Variants in ZFC3H1 observed in about 807,000 individuals in gnomAD.
ZFC3H1 encodes the protein zinc finger C3H1 domain-containing protein.
A neutral mutation model predicts 243.7 loss-of-function variants in ZFC3H1; 71 were observed. That is an observed-to-expected ratio of 0.29 (90% CI 0.24 to 0.36). ZFC3H1 has a LOEUF of 0.36. Ranked by LOEUF, ZFC3H1 falls within the 10% of genes least tolerant of loss-of-function variation. ZFC3H1 has a pLI of 1.00. For synonymous variants in ZFC3H1, 838 were observed against 813.0 expected (o/e 1.03, Z -0.52); for missense variants, 1,966 against 2,317.1 (o/e 0.85, Z 3.11).
intron 9 of ZFC3H1, 141 bp downstream of exon 9, chr12:71,636,343 TTAAAAA>T: frequency 1.9e-6 from 1 of 530,476 alleles, no homozygotes; most frequent in Non-Finnish European, 2.9e-6. Context: ...CATTAATAAA[TTAAAAA>T]TAAATTTTAA....
chr12:71,655,679 G>A (rs567073720), intron 2 of ZFC3H1, among the ~76,000 whole-genome samples: 1 of 152,054 alleles, frequency 6.6e-6, no homozygotes, highest in African/African-American at 2.4e-5. Flanking sequence ...ACTCCACCCA[G>A]GCCCAGACAC....
At chr12:71,640,080 G>T (rs891259159) in intron 6 of ZFC3H1, among the ~76,000 whole-genome samples, 1 of 152,104 alleles carries the variant, frequency 6.6e-6, no homozygotes, top group South Asian at 2.1e-4. Context: ...AGAGTGCAGT[G>T]GCACCATCTC....
In ZFC3H1 at chr12:71,630,855, T is replaced by C. The variant is rs938977170; in HGVS notation, c.3570A>G (p.Leu1190=). The change falls in exon 17 of 35, where the codon TTA becomes TTG. Residue 1190 remains leucine (L), a synonymous_variant. Transcript: ENST00000378743. The stretch of plus-strand genomic sequence containing the variant: ...AATCATCATCATTACATGTTCCTGT[T>C]AAATCAAAACGGCAGAAACACTGAT... The part of the protein sequence containing the change: ...EPDQCFCRFD[L]TGTCNDDDCQ... The C allele has an allele frequency of 4.3e-6, 7 of 1,613,246 alleles. No homozygotes were observed. The Admixed American group carries it at 5.0e-5, about 12-fold the overall frequency.
chr12:71,642,646 A>G, intron 5 of ZFC3H1, 87 bp from the exon 6 acceptor site: 1 of 1,449,646 alleles, frequency 6.9e-7, no homozygotes. Flanking sequence ...CTTCTATGGA[A>G]GAGTATCAAA....
chr12:71,638,070 A>T (rs1880509467), intron 7 of ZFC3H1, among the ~76,000 whole-genome samples: 1 of 152,164 alleles, frequency 6.6e-6, no homozygotes, highest in Admixed American at 6.5e-5. Flanking sequence ...GAAGCATCCT[A>T]ATGCATGTAA....
At chr12:71,657,479 G>A (rs1342394502) in intron 1 of ZFC3H1, among the ~76,000 whole-genome samples, 178 bp from the exon 2 acceptor site, 2 of 151,904 alleles carry the variant, frequency 1.3e-5, no homozygotes, top group African/African-American at 2.4e-5. Context: ...CTTTCATTAC[G>A]TGCCCATATT....
intron 31 of ZFC3H1, 100 bp from the exon 32 acceptor site, chr12:71,611,987 T>A: frequency 1.6e-6 from 1 of 643,038 alleles, no homozygotes; most frequent in South Asian, 2.0e-5. Context: ...TTTGATTAGT[T>A]AAATTCCATC....
At chr12:71,629,536 CT>C (rs758506204) in intron 19 of ZFC3H1, 72 bp downstream of exon 19, 10 of 991,850 alleles carry the variant, frequency 1.0e-5, no homozygotes, top group African/African-American at 1.7e-5. Flanking sequence ...CTAAAAAGTC[CT>C]TTTCAGAAAG....
Position 71,631,823 on chromosome 12 carries a change from G to T in ZFC3H1, c.3425C>A (p.Pro1142His). ...QSKTMEVKPC[P>H]FRPYHSPLLV... ...AAGAGGACTATGGTAGGGTCTAAAAGGACATGGCTTCACTTCCATTGTTTT... is the reference window on the plus strand; with the variant it reads ...AAGAGGACTATGGTAGGGTCTAAAATGACATGGCTTCACTTCCATTGTTTT... Residue 1142 changes from proline (P) to histidine (H), a missense_variant, in exon 16 of 35, where the codon CCT (proline) becomes CAT (histidine). Pro to His is a moderately conservative substitution (Grantham distance 77, BLOSUM62 -2). Transcript: ENST00000378743. 8.7e-6 allele frequency: 14 copies of T among 1,613,752 alleles called. No homozygotes were observed. Among genetic ancestry groups the T allele is most frequent in the Non-Finnish European group, 1.1e-5 (13 of 1,179,772 alleles).
rs763344208 is a variant in ZFC3H1, at chr12:71,623,589, C to T, written c.4515G>A (p.Leu1505=). The T allele has an allele frequency of 3.7e-6, 6 of 1,603,980 alleles. No homozygotes were observed. In the East Asian group the frequency reaches 1.3e-4, roughly 36 times the overall value. ...QSALAILQNA[L]KSANDGIVAE... is the part of the protein sequence containing the mutation. The stretch of plus-strand genomic sequence containing the variant: ...CTACTATTCCATCATTAGCAGATTT[C>T]AATGCATTCTAGGCAAAATTTAAAA... The change falls in exon 24 of 35, where the codon TTG becomes TTA. Residue 1505 remains leucine, a synonymous_variant. Coordinates refer to ENST00000378743, the MANE Select transcript of ZFC3H1 (RefSeq NM_144982.5).
chr12:71,634,938 C>G, intron 10 of ZFC3H1, 113 bp from the exon 11 acceptor site: 1 of 1,203,350 alleles, frequency 8.3e-7, no homozygotes, highest in East Asian at 2.7e-5. Context: ...TTTAGAAATA[C>G]CTGAATGTCA....
chr12:71,663,739 C>T lies in ZFC3H1; in HGVS notation c.-129G>A. The T allele has an allele frequency of 8.9e-7, 1 of 1,123,678 alleles. No individual in the cohort carries two copies. The highest frequency in any genetic ancestry group is 1.3e-6 in the Non-Finnish European group (1 of 793,756). 69.6% of individuals were successfully genotyped at this position (1,123,678 alleles called of 1,614,324 possible). ...TTACCCTACTCGGACACCAAGCGGC[C>T]TCTGCTCCCCAACTTCCCCGCACCC... is the stretch of plus-strand genomic sequence containing the variant. On this transcript the variant is annotated 5_prime_UTR_variant, in exon 1 of 35. Coordinates refer to ENST00000378743, the MANE Select transcript of ZFC3H1 (RefSeq NM_144982.5).
intron 1 of ZFC3H1, 52 bp downstream of exon 1, chr12:71,662,961 C>A (rs1881226017): frequency 6.6e-7 from 1 of 1,514,554 alleles, no homozygotes; most frequent in Admixed American, 2.1e-5. Context: ...AGTAATGACG[C>A]TAAAGGGAAC....
intron 18 of ZFC3H1, 129 bp downstream of exon 18, chr12:71,630,471 T>G: frequency 8.0e-7 from 1 of 1,256,310 alleles, no homozygotes; most frequent in African/African-American, 1.5e-5. Context: ...ACAGCAAATC[T>G]AGATAAAGTA....
rs184438359 is a variant in ZFC3H1, at chr12:71,643,995, T to C, written c.1503+100A>G. The C allele has an allele frequency of 3.2e-3, 3,415 of 1,063,336 alleles. 7 individuals carry two copies. The highest frequency in any genetic ancestry group is 4.1e-3 in the Non-Finnish European group (3,071 of 746,746). The allele number at this position is 1,063,336 out of a possible 1,614,324, so 65.9% of individuals were successfully genotyped here. A position where few individuals can be genotyped will look rare whatever the true frequency, so the allele number is the denominator to read the frequency against. ...AACCTACCTTCCTTTTTTCCAAGAGTTATTTATAAAATAAACTTCCTTATT... is the reference window on the plus strand; with the variant it reads ...AACCTACCTTCCTTTTTTCCAAGAGCTATTTATAAAATAAACTTCCTTATT... On this transcript the variant is annotated intron_variant, in intron 5 of 34. Coordinates refer to ENST00000378743, the MANE Select transcript of ZFC3H1 (RefSeq NM_144982.5).
intron 21 of ZFC3H1, 114 bp from the exon 22 acceptor site, chr12:71,626,560 G>C (rs1880172189): frequency 1.1e-6 from 1 of 951,444 alleles, no homozygotes; most frequent in Non-Finnish European, 1.5e-6. Flanking sequence ...AATTTACCAA[G>C]AAGTCAGGAT....
intron 19 of ZFC3H1, 121 bp from the exon 20 acceptor site, chr12:71,629,158 T>TA: frequency 5.7e-6 from 1 of 174,674 alleles, no homozygotes; most frequent in Non-Finnish European, 9.9e-6. Context: ...ATGATACGTA[T>TA]TTTTTTTTTT....
rs747289041 is a variant in ZFC3H1, at chr12:71,614,860, A to G, written c.5334T>C (p.Cys1778=). Residue 1778 remains cysteine (C), a synonymous_variant, in exon 29 of 35, where the codon TGT becomes TGC. Coordinates refer to ENST00000378743, the MANE Select transcript of ZFC3H1 (RefSeq NM_144982.5). ...YEAALGVAMR[C]DIVQKIWMDY... The stretch of plus-strand genomic sequence containing the variant: ...CCATCCATATCTTCTGTACTATATC[A>G]CATCTCATAGCCACCCCTAATGCTG... 1.2e-5 allele frequency: 20 copies of G among 1,613,512 alleles called. No homozygotes were observed. Among genetic ancestry groups the G allele is most frequent in the Non-Finnish European group, 1.7e-5 (20 of 1,179,676 alleles).
intron 7 of ZFC3H1, among the ~76,000 whole-genome samples, 175 bp from the exon 8 acceptor site, chr12:71,637,234 GAA>G (rs1177180828): frequency 6.6e-6 from 1 of 151,666 alleles, no homozygotes; most frequent in African/African-American, 2.4e-5. Context: ...AGCCAACCAC[GAA>G]AAAGTGTTAT....
Sources: allele counts gnomAD v4.1 joint callset (sites outside exome capture counted in the v4.1 genomes callset), GRCh38; gene constraint gnomAD v4.1.1; transcripts MANE v1.5; gene names NCBI Gene and HGNC (gene_info 2026-07-23, HGNC 2026-07-21).